The following CDC42 variants were observed in gnomAD, a reference collection of about 807,000 sequenced individuals.
CDC42 encodes the protein cell division cycle 42, also known as cell division control protein 42 homolog.
A neutral mutation model predicts 20.8 loss-of-function variants in CDC42; 1 was observed. That is an observed-to-expected ratio of 0.05 (90% CI 0.02 to 0.23). The LOEUF is 0.23. CDC42 is among the 10% of genes least tolerant of loss of function. The pLI, the probability that CDC42 is intolerant of heterozygous loss-of-function variation, is 1.00. For synonymous variants in CDC42, 72 were observed against 84.8 expected, an observed-to-expected ratio of 0.85 and a Z score of 0.83; for missense variants, 49 against 227.9, an observed-to-expected ratio of 0.21 and a Z score of 5.05.
At chr1:22,084,335 G>GTTTTTTTTTTTTT (rs61584354) in intron 3 of CDC42, among the ~76,000 whole-genome samples, 2 of 80,690 alleles carry the variant, frequency 2.5e-5, no homozygotes, top group African/African-American at 1.0e-4. Flanking sequence ...CTTATTTCCT[G>GTTTTTTTTTTTTT]TTTTTTTTTT....
chr1:22,053,725 A>T lies in CDC42; in HGVS notation c.-51+983A>T, dbSNP rs17837943. On this transcript the variant is annotated intron_variant, in intron 1 of 5. Transcript: ENST00000656825. Reference sequence around the variant, plus strand: ...ATTTTGCAGCCTTAGTCGGTCACCCAGTGGCTTATCCTGCCTGCTTCCCAA... The same window carrying T: ...ATTTTGCAGCCTTAGTCGGTCACCCTGTGGCTTATCCTGCCTGCTTCCCAA... Among the ~76,000 whole-genome samples, 1,445 of 152,306 alleles carry T rather than the reference A, an allele frequency of 9.5e-3. 28 individuals are homozygous for T. The highest frequency in any genetic ancestry group is 0.033 in the African/African-American group (1,380 of 41,568).
chr1:22,090,142 T>G, intron 5 of CDC42: 3 of 1,447,282 alleles, frequency 2.1e-6, no homozygotes, highest in Admixed American at 2.4e-5. Flanking sequence ...CTGCGTCTTT[T>G]TACTCACCAC....
chr1:22,069,425 C>T (rs555755715), intron 1 of CDC42, among the ~76,000 whole-genome samples: 5 of 152,036 alleles, frequency 3.3e-5, no homozygotes, highest in African/African-American at 1.2e-4. Context: ...ATCTGCCCGC[C>T]TCAGCTTCCC....
At chr1:22,073,589 G>A (rs1012584296) in intron 1 of CDC42, among the ~76,000 whole-genome samples, 15 of 151,862 alleles carry the variant, frequency 9.9e-5, no homozygotes, top group African/African-American at 3.6e-4. Context: ...GTATTGGAGG[G>A]GTAGATGCCA....
At chr1:22,091,173 A>G (rs998770504) in intron 5 of CDC42, among the ~76,000 whole-genome samples, 1 of 152,184 alleles carries the variant, frequency 6.6e-6, no homozygotes, top group Non-Finnish European at 1.5e-5. Context: ...TGTGACATAC[A>G]TTGGTCTGCG....
chr1:22,086,973 C>T, intron 5 of CDC42, 107 bp downstream of exon 5: 1 of 895,466 alleles, frequency 1.1e-6, no homozygotes, highest in South Asian at 1.4e-5. Flanking sequence ...CAAAGATGCC[C>T]AGCAAGAATA....
intron 3 of CDC42, among the ~76,000 whole-genome samples, chr1:22,082,516 A>C (rs769046981): frequency 6.6e-6 from 1 of 152,104 alleles, no homozygotes; most frequent in Admixed American, 6.5e-5. Flanking sequence ...ACTTTTCTCT[A>C]TGTGCCGTCT....
chr1:22,081,305 G>A (rs1645605397), intron 2 of CDC42, among the ~76,000 whole-genome samples: 1 of 152,182 alleles, frequency 6.6e-6, no homozygotes, highest in Non-Finnish European at 1.5e-5. Flanking sequence ...AGGAAGAAAG[G>A]TCATGGATCT....
chr1:22,083,142 A>C lies in CDC42; in HGVS notation c.178+1348A>C, dbSNP rs568614292. Among the ~76,000 whole-genome samples, 33 of 152,138 alleles carry C rather than the reference A, an allele frequency of 2.2e-4. 1 individual carries two copies. In the South Asian group the frequency reaches 6.8e-3, roughly 32 times the overall value. ...GTGATCCGCCCGCCTTGGCCTCCCA[A>C]AGTGCTGGGATTACAGGTGTGAACC... On this transcript the variant is annotated intron_variant, in intron 3 of 5. Coordinates refer to ENST00000656825, the MANE Select transcript of CDC42 (RefSeq NM_001791.4).
Position 22,078,461 on chromosome 1 carries a change from T to C in CDC42, c.-18T>C. The C allele has an allele frequency of 1.3e-6, 2 of 1,566,338 alleles. No individual in the cohort carries two copies. The highest frequency in any genetic ancestry group is 1.7e-6 in the Non-Finnish European group (2 of 1,144,008). On this transcript the variant is annotated 5_prime_UTR_variant, in exon 2 of 6. Transcript: ENST00000656825. ...TCAGATTTGAAATATTTAAAGTGGA[T>C]ACAAAACTATTTCAGCAATGCAGAC...
chr1:22,076,524 T>G (rs16826450), intron 1 of CDC42, among the ~76,000 whole-genome samples: 4,463 of 152,292 alleles, frequency 0.029, 106 homozygotes, highest in African/African-American at 0.062. Context: ...TGAATAGCCT[T>G]GGCTTAGTTA....
chr1:22,067,684 AG>A (rs1645440073), intron 1 of CDC42, among the ~76,000 whole-genome samples: 1 of 151,968 alleles, frequency 6.6e-6, no homozygotes, highest in Admixed American at 6.6e-5. Context: ...GCATGGTGCA[AG>A]GGGTAGGGGA....
At chr1:22,054,451 A>G (rs1034923707) in intron 1 of CDC42, among the ~76,000 whole-genome samples, 1 of 152,116 alleles carries the variant, frequency 6.6e-6, no homozygotes, top group Non-Finnish European at 1.5e-5. Context: ...CCTGGGGTCA[A>G]GCAGAGATCA....
chr1:22,080,873 CAT>C (rs981092825), intron 2 of CDC42, among the ~76,000 whole-genome samples: 1 of 152,140 alleles, frequency 6.6e-6, no homozygotes, highest in African/African-American at 2.4e-5. Flanking sequence ...GAATTTTACT[CAT>C]AAAATTCCCA....
At chr1:22,076,421 G>A (rs1324844579) in intron 1 of CDC42, among the ~76,000 whole-genome samples, 2 of 151,752 alleles carry the variant, frequency 1.3e-5, no homozygotes, top group Non-Finnish European at 1.5e-5. Flanking sequence ...TCACGCCACT[G>A]CACTGACACA....
At position 22,062,571 on chromosome 1, in the gene CDC42, A is replaced by G. The variant is rs17837952; in HGVS notation, c.-51+9829A>G. ...GTCTTTTTGGTGCATGTATAAGAACATAAGTTGCCTGATCTTAAGAGTTTT... is the reference window on the plus strand; with the variant it reads ...GTCTTTTTGGTGCATGTATAAGAACGTAAGTTGCCTGATCTTAAGAGTTTT... On this transcript the variant is annotated intron_variant, in intron 1 of 5. Coordinates refer to ENST00000656825, the MANE Select transcript of CDC42 (RefSeq NM_001791.4). 2.2e-4 allele frequency among the ~76,000 whole-genome samples: 34 copies of G among 152,062 alleles called. 1 individual carries two copies. The East Asian group carries it at 4.9e-3, about 22-fold the overall frequency.
At chr1:22,084,335 GTTTTTT>G (rs61584354) in intron 3 of CDC42, among the ~76,000 whole-genome samples, 213 of 80,708 alleles carry the variant, frequency 2.6e-3, no homozygotes, top group African/African-American at 6.8e-3. Flanking sequence ...CTTATTTCCT[GTTTTTT>G]TTTTTTTTTT....
rs780658203 is a variant in CDC42, at chr1:22,100,026, C to CTTTTTT, written c.*8511_*8512insTTTTTT. On this transcript the variant is annotated 3_prime_UTR_variant, in exon 6 of 6. Transcript: ENST00000656825. ...CCTTTTTTTCTTTCTTCTTCTTCTT[C>CTTTTTT]TTCTTTTTTTTTTTTTTTGTATAAT... 2.6e-4 allele frequency among the ~76,000 whole-genome samples: 15 copies of CTTTTTT among 57,612 alleles called. 6 individuals carry two copies. The highest frequency in any genetic ancestry group is 3.4e-4 in the Non-Finnish European group (10 of 29,436). The allele number at this position is 57,612 out of a possible 152,430, so 37.8% of individuals were successfully genotyped here.
At chr1:22,067,426 G>C (rs1433489134) in intron 1 of CDC42, among the ~76,000 whole-genome samples, 1 of 151,898 alleles carries the variant, frequency 6.6e-6, no homozygotes, top group African/African-American at 2.4e-5. Flanking sequence ...AGTTCGCTTT[G>C]GTGCTCTCAG....
Sources: allele counts gnomAD v4.1 joint callset (sites outside exome capture counted in the v4.1 genomes callset), GRCh38; gene constraint gnomAD v4.1.1; transcripts MANE v1.5; gene names NCBI Gene and HGNC (gene_info 2026-07-23, HGNC 2026-07-21).